ELAPOR1: variants seen among roughly 807,000 people sequenced by gnomAD.
ELAPOR1 encodes the protein endosome-lysosome associated apoptosis and autophagy regulator 1.
ELAPOR1 carries 77 observed loss-of-function variants against 119.7 expected under a neutral mutation model. The observed-to-expected ratio is 0.64, with a 90% confidence interval of 0.54 to 0.78. ELAPOR1 has a LOEUF of 0.78. Among genes scored for constraint, ELAPOR1 ranks in the 30% least tolerant of loss-of-function variants. ELAPOR1 has a pLI of 0.00. For missense variants in ELAPOR1, 1,115 were observed against 1,270.4 expected (o/e 0.88, Z 1.86); for synonymous variants, 481 against 487.2 (o/e 0.99, Z 0.17).
chr1:109,166,116 C>T (rs1253980878), intron 3 of ELAPOR1, among the ~76,000 whole-genome samples: 4 of 152,042 alleles, frequency 2.6e-5, no homozygotes, highest in African/African-American at 7.2e-5. Flanking sequence ...GGGGTTTCAC[C>T]GTGTTAGCCA....
intron 1 of ELAPOR1, among the ~76,000 whole-genome samples, chr1:109,138,834 C>CAAAAAAAAAAAAAAAAAAAAAAAAAAAA (rs150398954): frequency 2.8e-5 from 3 of 107,314 alleles, no homozygotes; most frequent in African/African-American, 3.8e-5. Flanking sequence ...AACTCCATCT[C>CAAAAAAAAAAAAAAAAAAAAAAAAAAAA]AAAAAAAAAA....
rs570030312 is a variant in ELAPOR1 at position 109,185,046 on chromosome 1, G to A, written c.954G>A (p.Glu318=). 49 of 1,613,584 alleles carry A rather than the reference G, an allele frequency of 3.0e-5. No homozygotes were observed. The South Asian group carries it at 4.5e-4, about 15-fold the overall frequency. The change falls in exon 8 of 22, where the codon GAG becomes GAA. Residue 318 remains glutamate, a splice_region_variant and synonymous_variant. Coordinates refer to ENST00000369939, the MANE Select transcript of ELAPOR1 (RefSeq NM_020775.5). ...CHQCDPDKYS[E]KGSSSCNVRP... is the part of the protein sequence containing the mutation. ...TTTCTTCTTGCTTTGGCAATTTAGA[G>A]AAAGGATCTTCTTCCTGTAACGTGC...
intron 3 of ELAPOR1, among the ~76,000 whole-genome samples, chr1:109,171,436 T>C (rs1268852677): frequency 6.6e-6 from 1 of 151,834 alleles, no homozygotes; most frequent in African/African-American, 2.4e-5. Flanking sequence ...CCTGTAATCC[T>C]AGCTACTCGG....
chr1:109,164,708 C>T lies in ELAPOR1; in HGVS notation c.467+17C>T. On this transcript the variant is annotated intron_variant, in intron 3 of 21. Transcript: ENST00000369939. Reference sequence around the variant, plus strand: ...CTGTACTTCGTGAGTCTGCACACACCCCCACCCCACCCCCAGCCCACTGGG... The same window carrying T: ...CTGTACTTCGTGAGTCTGCACACACTCCCACCCCACCCCCAGCCCACTGGG... 3 of 1,596,430 alleles carry T rather than the reference C, an allele frequency of 1.9e-6. No homozygotes were observed. Among genetic ancestry groups the T allele is most frequent in the Middle Eastern group, 1.8e-4 (1 of 5,700 alleles).
At chr1:109,185,430 C>CG (rs112017791) in intron 8 of ELAPOR1, among the ~76,000 whole-genome samples, 21,765 of 152,122 alleles carry the variant, frequency 0.14, 1,840 homozygotes, top group Middle Eastern at 0.21. Context: ...CGAGCCACTC[C>CG]GGCAGAGCCT....
chr1:109,141,337 T>C (rs771552188), intron 1 of ELAPOR1, among the ~76,000 whole-genome samples: 1 of 152,128 alleles, frequency 6.6e-6, no homozygotes, highest in Non-Finnish European at 1.5e-5. Flanking sequence ...CTTGGCTCAC[T>C]GCAAGCTCTG....
chr1:109,126,674 TCACC>T (rs1488840090), intron 1 of ELAPOR1, among the ~76,000 whole-genome samples: 2 of 152,136 alleles, frequency 1.3e-5, no homozygotes, highest in African/African-American at 4.8e-5. Flanking sequence ...TTTTTTCATG[TCACC>T]CAGGCTGTTC....
chr1:109,120,369 C>A (rs1032694249), intron 1 of ELAPOR1, among the ~76,000 whole-genome samples: 1 of 150,178 alleles, frequency 6.7e-6, no homozygotes, highest in Non-Finnish European at 1.5e-5. Context: ...TGTACTCCAG[C>A]CTGCGTGACA....
intron 1 of ELAPOR1, among the ~76,000 whole-genome samples, chr1:109,155,030 G>A (rs146343468): frequency 1.7e-3 from 251 of 152,046 alleles, no homozygotes; most frequent in African/African-American, 5.9e-3. Flanking sequence ...TCTCCTCCCC[G>A]TCCCATCCTT....
chr1:109,194,674 A>G, intron 15 of ELAPOR1, 80 bp downstream of exon 15: 1 of 1,388,840 alleles, frequency 7.2e-7, no homozygotes, highest in South Asian at 1.2e-5. Context: ...CACAGGAGAA[A>G]ACCAGAAATC....
At chr1:109,171,166 A>G (rs946162545) in intron 3 of ELAPOR1, among the ~76,000 whole-genome samples, 1 of 152,186 alleles carries the variant, frequency 6.6e-6, no homozygotes, top group South Asian at 2.1e-4. Context: ...CTTAAACAGA[A>G]AAAACATTTC....
chr1:109,173,614 T>C (rs748996590), intron 6 of ELAPOR1, 35 bp downstream of exon 6: 1 of 1,613,350 alleles, frequency 6.2e-7, no homozygotes, highest in South Asian at 1.1e-5. Flanking sequence ...TCCTGGGCTG[T>C]TGACTTTGCA....
In ELAPOR1 at chr1:109,197,537, G is replaced by C. The variant is rs549568730; in HGVS notation, c.2185G>C (p.Gly729Arg). ...CCTCCGGATTCCTGAGGGTGAGTCAGGGTTCTCCAAATCTATCACAGCCTA... is the reference window on the plus strand; with the variant it reads ...CCTCCGGATTCCTGAGGGTGAGTCACGGTTCTCCAAATCTATCACAGCCTA... ...TDLRIPEGES[G>R]FSKSITAYVC... The change falls in exon 16 of 22, where the codon GGG becomes CGG. Residue 729 changes from glycine (G) to arginine (R), a missense_variant. Coordinates refer to ENST00000369939, the MANE Select transcript of ELAPOR1 (RefSeq NM_020775.5). 1.2e-6 allele frequency: 2 copies of C among 1,614,196 alleles called. No homozygotes were observed. The highest frequency in any genetic ancestry group is 1.7e-6 in the Non-Finnish European group (2 of 1,180,030).
chr1:109,144,053 A>ATATTTTTT (rs1650004030), intron 1 of ELAPOR1, among the ~76,000 whole-genome samples: 2 of 89,792 alleles, frequency 2.2e-5, no homozygotes, highest in African/African-American at 1.1e-4. Flanking sequence ...ATATATATAT[A>ATATTTTTT]TTTATATATT....
At chr1:109,167,546 C>T (rs1375552282) in intron 3 of ELAPOR1, among the ~76,000 whole-genome samples, 3 of 152,238 alleles carry the variant, frequency 2.0e-5, no homozygotes, top group East Asian at 3.8e-4. Context: ...ACTCCAAGCT[C>T]ATCTCCTGCT....
At chr1:109,162,581 C>A (rs1651328310) in intron 2 of ELAPOR1, among the ~76,000 whole-genome samples, 1 of 152,150 alleles carries the variant, frequency 6.6e-6, no homozygotes, top group African/African-American at 2.4e-5. Flanking sequence ...AACTTTTCTA[C>A]AATTGGCAGC....
chr1:109,201,887 G>A, intron 21 of ELAPOR1, among the ~76,000 whole-genome samples: 1 of 152,220 alleles, frequency 6.6e-6, no homozygotes, highest in Admixed American at 6.5e-5. Flanking sequence ...ATCTCTTGAG[G>A]CTGGGAGTTC....
At chr1:109,201,300 G>T (rs780043342) in intron 21 of ELAPOR1, 22 of 457,116 alleles carry the variant, frequency 4.8e-5, no homozygotes, top group African/African-American at 1.0e-4. Context: ...TTTGACCAGT[G>T]GGGGGTGCTG....
Position 109,114,226 on chromosome 1 carries a change from A to G in ELAPOR1, c.43A>G (p.Arg15Gly). The change falls in exon 1 of 22, where the codon AGG becomes GGG. Residue 15 changes from arginine (R) to glycine (G), a missense_variant. Arg to Gly is a moderately radical substitution (Grantham distance 125). Coordinates refer to ENST00000369939, the MANE Select transcript of ELAPOR1 (RefSeq NM_020775.5). ...CAGCCACCATCTCTCCGCCAGAGTC[A>G]GGGGAAGAACTGAGAGGCGCATACC... is the stretch of plus-strand genomic sequence containing the variant. ...GHSHHLSARV[R>G]GRTERRIPRL... The G allele has an allele frequency of 6.2e-7, 1 of 1,605,176 alleles. No individual in the cohort carries two copies. Among genetic ancestry groups the G allele is most frequent in the Non-Finnish European group, 8.5e-7 (1 of 1,175,736 alleles).
Sources: gnomAD v4.1 joint callset for allele counts (sites outside exome capture counted in the v4.1 genomes callset) on GRCh38, gnomAD v4.1.1 for gene constraint, MANE v1.5 for transcripts, NCBI Gene and HGNC (gene_info 2026-07-23, HGNC 2026-07-21) for gene names.